Variants in EEF1D observed in about 807,000 individuals in gnomAD.
The protein encoded by EEF1D is elongation factor 1-delta.
EEF1D carries 47 observed loss-of-function variants against 63.9 expected under a neutral mutation model. The ratio of observed to expected loss-of-function variants is 0.74; its 90% CI spans 0.58 to 0.94. EEF1D has a LOEUF of 0.94. Among genes scored for constraint, EEF1D ranks in the 40% least tolerant of loss-of-function variants. EEF1D has a pLI of 0.00. For missense variants in EEF1D, 907 were observed against 899.0 expected (o/e 1.01, Z -0.11); for synonymous variants, 412 against 386.1 (o/e 1.07, Z -0.79).
intron 5 of EEF1D, 27 bp downstream of exon 5, chr8:143,586,192 G>A (rs769507102): frequency 1.6e-5 from 25 of 1,587,988 alleles, no homozygotes; most frequent in East Asian, 2.2e-5. Flanking sequence ...GCAGGAGCCC[G>A]CAGGTCCGTG....
intron 5 of EEF1D, chr8:143,582,271 T>C (rs1423604970): frequency 2.0e-5 from 3 of 152,276 alleles, no homozygotes; most frequent in South Asian, 2.1e-4. Flanking sequence ...CCGCAGATCA[T>C]GGGCAAGGCC....
chr8:143,585,350 A>G (rs544185164), intron 5 of EEF1D, among the ~76,000 whole-genome samples: 83 of 152,248 alleles, frequency 5.5e-4, no homozygotes, highest in South Asian at 3.9e-3. Context: ...GCACCTTGAA[A>G]CAAGCAACGT....
intron 2 of EEF1D, 90 bp downstream of exon 2, chr8:143,592,557 G>A (rs1828152524): frequency 2.1e-6 from 2 of 967,022 alleles, no homozygotes; most frequent in Non-Finnish European, 2.5e-6. Flanking sequence ...CCATGCGCAG[G>A]TGGTGCTGGG....
intron 3 of EEF1D, among the ~76,000 whole-genome samples, chr8:143,587,743 C>T (rs576678992): frequency 3.3e-5 from 5 of 152,238 alleles, no homozygotes; most frequent in African/African-American, 4.8e-5. Flanking sequence ...GACCATGGCC[C>T]GCAGGCAAAT....
At position 143,586,280 on chromosome 8, in the gene EEF1D, G is replaced by A. The variant is rs371789832; in HGVS notation, c.1226C>T (p.Ala409Val). 9 of 1,605,234 alleles carry A rather than the reference G, an allele frequency of 5.6e-6. No individual in the cohort carries two copies. In the Admixed American group the frequency reaches 8.4e-5, roughly 15 times the overall value. Residue 409 changes from alanine (A) to valine (V), a missense_variant, in exon 5 of 10, where the codon GCC becomes GTC. Transcript: ENST00000618139. Reference protein sequence around the residue: ...VAGASRQENGASVILRDIARA... With the variant: ...VAGASRQENGVSVILRDIARA... Reference sequence around the variant, plus strand: ...CGCAATGTCACGGAGGATCACGCTGGCGCCGTTCTCCTGCAGACAGTGCAG... The same window carrying A: ...CGCAATGTCACGGAGGATCACGCTGACGCCGTTCTCCTGCAGACAGTGCAG...
At chr8:143,588,959 G>C (rs372840375) in intron 3 of EEF1D, 32 bp downstream of exon 3, 16 of 1,579,884 alleles carry the variant, frequency 1.0e-5, no homozygotes, top group African/African-American at 4.0e-5. Context: ...CCACAGCCCA[G>C]GCTGGGTGCC....
At chr8:143,584,619 G>A (rs1288731150) in intron 5 of EEF1D, among the ~76,000 whole-genome samples, 1 of 152,066 alleles carries the variant, frequency 6.6e-6, no homozygotes, top group Non-Finnish European at 1.5e-5. Context: ...TGAGCACCCT[G>A]TTGGCAGAAT....
intron 5 of EEF1D, 54 bp from the exon 6 acceptor site, chr8:143,581,382 C>T (rs759475757): frequency 1.4e-5 from 22 of 1,525,684 alleles, no homozygotes; most frequent in Non-Finnish European, 1.9e-5. Flanking sequence ...CTAGGGTCCC[C>T]CTGCCATGCT....
chr8:143,580,380 G>C (rs1282477046), intron 8 of EEF1D, 126 bp downstream of exon 8: 1 of 1,309,104 alleles, frequency 7.6e-7, no homozygotes, highest in Non-Finnish European at 1.1e-6. Context: ...TTTATCCCAA[G>C]ACTTCTAAAC....
chr8:143,595,235 A>AATT (rs10635622), intron 1 of EEF1D, among the ~76,000 whole-genome samples: 111,633 of 151,718 alleles, frequency 0.74, 42,685 homozygotes, highest in Non-Finnish European at 0.85. Flanking sequence ...ACACCTGGCT[A>AATT]TTTTTTCATA....
chr8:143,589,580 A>G lies in EEF1D; in HGVS notation c.502T>C (p.Ser168Pro). Reference protein sequence around the residue: ...HVTWGIWVNKSSFDQAERAFV... With the variant: ...HVTWGIWVNKPSFDQAERAFV... ...GCCCGCTCAGCCTGGTCGAAGGAGG[A>G]CTTGTTGACCCAGATCCCCCAGGTC... is the stretch of plus-strand genomic sequence containing the variant. The change falls in exon 3 of 10, where the codon TCC (serine) becomes CCC (proline). Residue 168 changes from serine (S) to proline (P), a missense_variant. By Grantham distance (74) the Ser-to-Pro change is moderately conservative (BLOSUM62 -1). Transcript: ENST00000618139. 1 of 1,518,418 alleles carries G rather than the reference A, an allele frequency of 6.6e-7. No individual in the cohort carries two copies. The highest frequency in any genetic ancestry group is 8.8e-7 in the Non-Finnish European group (1 of 1,132,812). 94.1% of individuals were successfully genotyped at this position (1,518,418 alleles called of 1,614,324 possible).
chr8:143,586,432 A>G, intron 4 of EEF1D, 142 bp from the exon 5 acceptor site: 2 of 842,096 alleles, frequency 2.4e-6, no homozygotes, highest in Non-Finnish European at 3.6e-6. Flanking sequence ...GCGGGCCAGA[A>G]AAGCGGGAGA....
At chr8:143,591,644 G>T (rs953396063) in intron 2 of EEF1D, among the ~76,000 whole-genome samples, 1 of 152,250 alleles carries the variant, frequency 6.6e-6, no homozygotes, top group Non-Finnish European at 1.5e-5. Flanking sequence ...CTCCGCAGGT[G>T]TGTCTAGTGG....
At chr8:143,587,019 G>A (rs1020429920) in intron 3 of EEF1D, 167 bp from the exon 4 acceptor site, 12 of 875,652 alleles carry the variant, frequency 1.4e-5, no homozygotes, top group South Asian at 8.5e-5. Flanking sequence ...GGCATCCCCA[G>A]GCCTGTCTTC....
At chr8:143,580,940 C>T (rs768229620) in intron 7 of EEF1D, 114 bp downstream of exon 7, 60 of 1,295,848 alleles carry the variant, frequency 4.6e-5, no homozygotes, top group Non-Finnish European at 6.0e-5. Flanking sequence ...CCTGAGGACT[C>T]CAGTATCCTG....
intron 2 of EEF1D, chr8:143,590,521 T>G: frequency 1.2e-5 from 14 of 1,161,902 alleles, no homozygotes; most frequent in East Asian, 9.2e-5. Flanking sequence ...CCCACCATGG[T>G]GGCTGGTGTT....
chr8:143,581,476 G>T lies in EEF1D; in HGVS notation c.1288-148C>A, dbSNP rs1587102592. On this transcript the variant is annotated intron_variant, in intron 5 of 9. Coordinates refer to ENST00000618139, the MANE Select transcript of EEF1D (RefSeq NM_001130053.5). ...CCGCTGATGCCCAGCTCAAACTTAT[G>T]ACCTCAGAGGTGGCGGCCACCACAG... 3 of 675,534 alleles carry T rather than the reference G, an allele frequency of 4.4e-6. No individual in the cohort carries two copies. The East Asian group carries it at 8.2e-5, about 18-fold the overall frequency. The allele number at this position is 675,534 out of a possible 1,614,324, so 41.8% of individuals were successfully genotyped here.
intron 2 of EEF1D, chr8:143,592,100 T>A: frequency 1.0e-6 from 1 of 984,834 alleles, no homozygotes; most frequent in Non-Finnish European, 1.2e-6. Context: ...AAGGCCAGGC[T>A]GATGGGCAGA....
intron 1 of EEF1D, 134 bp from the exon 2 acceptor site, chr8:143,592,794 G>T: frequency 1.4e-6 from 1 of 705,508 alleles, no homozygotes; most frequent in Non-Finnish European, 1.7e-6. Context: ...GTGTGGAGGT[G>T]ACACTGGTGG....
Sources: gnomAD v4.1 joint callset for allele counts (sites outside exome capture counted in the v4.1 genomes callset) on GRCh38, gnomAD v4.1.1 for gene constraint, MANE v1.5 for transcripts, NCBI Gene and HGNC (gene_info 2026-07-23, HGNC 2026-07-21) for gene names.